Variants in GLRA3 observed in about 807,000 individuals in gnomAD.
GLRA3 encodes the protein glycine receptor subunit alpha-3.
In GLRA3, 44 loss-of-function variants were observed where a neutral mutation model predicts 60.4. The observed-to-expected ratio is 0.73, with a 90% CI of 0.57 to 0.94. The LOEUF is 0.94. Ranked by LOEUF, GLRA3 falls within the 40% of genes least tolerant of loss-of-function variation. GLRA3 has a pLI of 0.00. For synonymous variants in GLRA3, 223 were observed against 192.9 expected, an observed-to-expected ratio of 1.16 and a Z score of -1.29; for missense variants, 508 against 564.6, an observed-to-expected ratio of 0.90 and a Z score of 1.02.
In GLRA3 at chr4:174,660,038, TG is replaced by T. The variant is rs573070240; in HGVS notation, c.928-842del. Among the ~76,000 whole-genome samples the T allele has an allele frequency of 4.3e-4, 66 of 152,000 alleles. 1 individual carries two copies. Among genetic ancestry groups the T allele is most frequent in the Non-Finnish European group, 8.2e-4 (56 of 68,002 alleles). ...GTCGTTAATATTTAACTACATTTAT[TG>T]TTGTGTGTGTATGTGTGTGTATATA... is the stretch of plus-strand genomic sequence containing the variant. On this transcript the variant is annotated intron_variant, in intron 7 of 9. Coordinates refer to ENST00000274093, the MANE Select transcript of GLRA3 (RefSeq NM_006529.4).
chr4:174,770,554 A>G (rs942630464), intron 2 of GLRA3, among the ~76,000 whole-genome samples: 1 of 152,114 alleles, frequency 6.6e-6, no homozygotes, highest in South Asian at 2.1e-4. Context: ...TGTTAATAAA[A>G]CAGAGTAGAT....
intron 5 of GLRA3, among the ~76,000 whole-genome samples, chr4:174,715,241 A>C (rs1384737135): frequency 1.3e-5 from 2 of 152,232 alleles, no homozygotes; most frequent in Non-Finnish European, 2.9e-5. Context: ...TGTGTATGGA[A>C]ACACATATCT....
At chr4:174,707,700 T>A (rs1023807520) in intron 5 of GLRA3, among the ~76,000 whole-genome samples, 1 of 152,176 alleles carries the variant, frequency 6.6e-6, no homozygotes, top group African/African-American at 2.4e-5. Context: ...CAATTACAAT[T>A]TATAAATATT....
At chr4:174,719,112 C>A (rs1290352361) in intron 4 of GLRA3, among the ~76,000 whole-genome samples, 1 of 151,442 alleles carries the variant, frequency 6.6e-6, no homozygotes, top group Non-Finnish European at 1.5e-5. Flanking sequence ...TACAGGCGCC[C>A]GCCACCTCGC....
intron 1 of GLRA3, among the ~76,000 whole-genome samples, chr4:174,814,586 G>T (rs1466474313): frequency 6.6e-6 from 1 of 152,150 alleles, no homozygotes; most frequent in Non-Finnish European, 1.5e-5. Flanking sequence ...GTTTTAATAG[G>T]CTTACAGTTG....
chr4:174,791,212 G>C (rs1739334762), intron 1 of GLRA3, among the ~76,000 whole-genome samples: 1 of 152,084 alleles, frequency 6.6e-6, no homozygotes, highest in African/African-American at 2.4e-5. Context: ...TATATTTGAT[G>C]ACAGACAGAA....
At chr4:174,789,124 T>A (rs1340254891) in intron 1 of GLRA3, among the ~76,000 whole-genome samples, 181 bp from the exon 2 acceptor site, 1 of 152,192 alleles carries the variant, frequency 6.6e-6, no homozygotes, top group Non-Finnish European at 1.5e-5. Context: ...TCAATACTTG[T>A]AAGGTTTCAT....
chr4:174,755,091 AT>A lies in GLRA3; in HGVS notation c.267+11871del, dbSNP rs569992480. 2.1e-3 allele frequency among the ~76,000 whole-genome samples: 321 copies of A among 152,276 alleles called. 2 individuals carry two copies. The highest frequency in any genetic ancestry group is 0.014 in the South Asian group (69 of 4,830). On this transcript the variant is annotated intron_variant, in intron 3 of 9. Coordinates refer to ENST00000274093, the MANE Select transcript of GLRA3 (RefSeq NM_006529.4). ...ACTGTAGCATTGATTTATGACAATG[AT>A]CAGGACTCAGAATTCAGAAACAGAT...
chr4:174,741,027 CTGATGT>C (rs1737001714), intron 3 of GLRA3, among the ~76,000 whole-genome samples: 1 of 152,128 alleles, frequency 6.6e-6, no homozygotes, highest in East Asian at 1.9e-4. Context: ...ATGGATAATG[CTGATGT>C]ATACACTTGT....
At chr4:174,814,128 T>C (rs1380440824) in intron 1 of GLRA3, among the ~76,000 whole-genome samples, 5 of 152,172 alleles carry the variant, frequency 3.3e-5, no homozygotes, top group Admixed American at 6.5e-5. Context: ...AGCTTTGCTG[T>C]CCATGGCTGG....
At chr4:174,744,454 C>T (rs905785117) in intron 3 of GLRA3, among the ~76,000 whole-genome samples, 56 of 152,204 alleles carry the variant, frequency 3.7e-4, no homozygotes, top group Admixed American at 2.0e-4. Context: ...AAAGACTGGC[C>T]CACCTGGCGT....
In GLRA3 at chr4:174,642,563, T is replaced by G. The variant is rs966205928; in HGVS notation, c.*1223A>C. ...CAAAAAACAAGTTACTAATGCTCTGTTTTTGTTGAAGTAATCCCATGGGGT... is the reference window on the plus strand; with the variant it reads ...CAAAAAACAAGTTACTAATGCTCTGGTTTTGTTGAAGTAATCCCATGGGGT... On this transcript the variant is annotated 3_prime_UTR_variant, in exon 10 of 10. Transcript: ENST00000274093. 7 of 976,806 alleles carry G rather than the reference T, an allele frequency of 7.2e-6. No homozygotes were observed. The African/African-American group carries it at 1.2e-4, about 17-fold the overall frequency. 60.5% of individuals were successfully genotyped at this position (976,806 alleles called of 1,614,324 possible).
chr4:174,669,840 T>C (rs1733836594), intron 7 of GLRA3, among the ~76,000 whole-genome samples: 1 of 152,156 alleles, frequency 6.6e-6, no homozygotes, highest in Non-Finnish European at 1.5e-5. Flanking sequence ...CCTCCCAAAG[T>C]GCTGGGATTA....
At chr4:174,706,908 A>T (rs1735540641) in intron 5 of GLRA3, among the ~76,000 whole-genome samples, 1 of 152,182 alleles carries the variant, frequency 6.6e-6, no homozygotes, top group African/African-American at 2.4e-5. Flanking sequence ...TATATCTGTG[A>T]ACAGGTAGAG....
chr4:174,679,509 T>G (rs1329225895), intron 6 of GLRA3, among the ~76,000 whole-genome samples: 1 of 151,868 alleles, frequency 6.6e-6, no homozygotes, highest in East Asian at 1.9e-4. Context: ...CTTTAAAAAG[T>G]AAAAATAAAG....
At chr4:174,795,742 T>C (rs1160426647) in intron 1 of GLRA3, among the ~76,000 whole-genome samples, 4 of 152,150 alleles carry the variant, frequency 2.6e-5, no homozygotes. Context: ...CTACAAACAG[T>C]AAAGTATATA....
At chr4:174,737,149 A>C (rs1431100633) in intron 3 of GLRA3, among the ~76,000 whole-genome samples, 2 of 152,222 alleles carry the variant, frequency 1.3e-5, no homozygotes, top group African/African-American at 4.8e-5. Context: ...AAAGAAAAAA[A>C]GATTTATTTT....
rs1373854652 is a variant in GLRA3 at position 174,691,532 on chromosome 4, GGC to G, written c.575-8595_575-8594del. On this transcript the variant is annotated intron_variant, in intron 5 of 9. Coordinates refer to ENST00000274093, the MANE Select transcript of GLRA3 (RefSeq NM_006529.4). ...AGCCTGCCGAGTGCCTGCGATTGCA[GGC>G]GCGCGCGCCGCCACGCCTGACTGGT... Among the ~76,000 whole-genome samples, 76 of 152,332 alleles carry G rather than the reference GGC, an allele frequency of 5.0e-4. 1 individual carries two copies. In the East Asian group the frequency reaches 9.1e-3, roughly 18 times the overall value.
intron 3 of GLRA3, among the ~76,000 whole-genome samples, chr4:174,734,557 T>C (rs567735103): frequency 6.6e-6 from 1 of 152,270 alleles, no homozygotes. Flanking sequence ...TTCTCCATTA[T>C]CCATATGTAC....
Sources: gnomAD v4.1 joint callset for allele counts (sites outside exome capture counted in the v4.1 genomes callset) on GRCh38, gnomAD v4.1.1 for gene constraint, MANE v1.5 for transcripts, NCBI Gene and HGNC (gene_info 2026-07-23, HGNC 2026-07-21) for gene names.